Variants in TBC1D31 observed in about 807,000 individuals in gnomAD.
The protein encoded by TBC1D31 is WD repeat domain 67.
In TBC1D31, 99 loss-of-function variants were observed where a neutral mutation model predicts 132.9. The ratio of observed to expected loss-of-function variants is 0.74; its 90% CI spans 0.63 to 0.88. The LOEUF (loss-of-function observed/expected upper bound fraction) is 0.88. Among genes scored for constraint, TBC1D31 ranks in the 40% least tolerant of loss-of-function variants. TBC1D31 has a pLI of 0.00. For synonymous variants in TBC1D31, 385 were observed against 419.4 expected, an observed-to-expected ratio of 0.92 and a Z score of 1.00; for missense variants, 1,134 against 1,256.6, an observed-to-expected ratio of 0.90 and a Z score of 1.48.
rs1563765914 is a variant in TBC1D31, at chr8:123,151,936, A to G, written c.3198A>G (p.Ala1066=). 1 of 1,535,252 alleles carries G rather than the reference A, an allele frequency of 6.5e-7. No individual in the cohort carries two copies. The highest frequency in any genetic ancestry group is 8.7e-7 in the Non-Finnish European group (1 of 1,145,130). The part of the protein sequence containing the change: ...HRCQTPHLLA[A] ...GTCAAACCCCTCATCTTTTGGCTGC[A>G]TAGAATGCATGTCACCTTGAGACGG... Residue 1066 remains alanine, a synonymous_variant, in exon 22 of 22, where the codon GCA becomes GCG. Transcript: ENST00000287380.
rs1822568852 is a variant in TBC1D31, at chr8:123,149,446, A to G, written c.2975-590A>G. ...AGAAAGGAAGGGACCATTATAAGCCATGTCAGGATGCAAATGTTTTTAAAA... is the reference window on the plus strand; with the variant it reads ...AGAAAGGAAGGGACCATTATAAGCCGTGTCAGGATGCAAATGTTTTTAAAA... On this transcript the variant is annotated intron_variant, in intron 20 of 21. Coordinates refer to ENST00000287380, the MANE Select transcript of TBC1D31 (RefSeq NM_145647.4). Among the ~76,000 whole-genome samples the G allele has an allele frequency of 2.0e-5, 3 of 152,354 alleles. No individual in the cohort carries two copies. In the South Asian group the frequency reaches 6.2e-4, roughly 32 times the overall value.
intron 6 of TBC1D31, 72 bp downstream of exon 6, chr8:123,097,513 T>G: frequency 6.9e-7 from 1 of 1,442,850 alleles, no homozygotes; most frequent in Non-Finnish European, 9.4e-7. Flanking sequence ...ATATTAGCTC[T>G]TATTTATTTA....
intron 21 of TBC1D31, among the ~76,000 whole-genome samples, chr8:123,150,711 G>T (rs985715310): frequency 6.6e-6 from 1 of 152,096 alleles, no homozygotes; most frequent in African/African-American, 2.4e-5. Flanking sequence ...GAAGGGACAG[G>T]GTAGAAACAT....
chr8:123,073,478 A>C (rs889099747), intron 1 of TBC1D31: 17 of 448,236 alleles, frequency 3.8e-5, no homozygotes, highest in African/African-American at 6.0e-5. Flanking sequence ...GGGGGCTTCT[A>C]GTACGGCCAG....
chr8:123,076,573 C>G (rs1484451415), intron 1 of TBC1D31, among the ~76,000 whole-genome samples: 1 of 152,038 alleles, frequency 6.6e-6, no homozygotes, highest in African/African-American at 2.4e-5. Flanking sequence ...TGTTGTAGGC[C>G]AGGTGCTGGG....
At position 123,151,912 on chromosome 8, in the gene TBC1D31, T is replaced by G. The variant is rs770748162; in HGVS notation, c.3174T>G (p.Cys1058Trp). The G allele has an allele frequency of 1.3e-6, 2 of 1,564,400 alleles. No individual in the cohort carries two copies. The highest frequency in any genetic ancestry group is 1.4e-5 in the African/African-American group (1 of 72,444). ...TCACTGCCCGGGCTCGTCACAGATG[T>G]CAAACCCCTCATCTTTTGGCTGCAT... is the stretch of plus-strand genomic sequence containing the variant. ...QRLTARARHR[C>W]QTPHLLAA Residue 1058 changes from cysteine (C) to tryptophan (W), a missense_variant, in exon 22 of 22, where the codon TGT (cysteine) becomes TGG (tryptophan). Physicochemically the swap from Cys to Trp is radical, Grantham distance 215. Coordinates refer to ENST00000287380, the MANE Select transcript of TBC1D31 (RefSeq NM_145647.4).
chr8:123,114,535 T>C (rs917248694), intron 10 of TBC1D31, among the ~76,000 whole-genome samples: 2 of 152,222 alleles, frequency 1.3e-5, no homozygotes, highest in African/African-American at 4.8e-5. Flanking sequence ...TTTGCCAGGC[T>C]GGTCTGGAAT....
chr8:123,121,779 C>G (rs1474824963), intron 11 of TBC1D31, among the ~76,000 whole-genome samples: 2 of 152,142 alleles, frequency 1.3e-5, no homozygotes, highest in Non-Finnish European at 2.9e-5. Context: ...GAAAATCAAA[C>G]TAATACAAGT....
the TBC1D31 span, among the ~76,000 whole-genome samples, chr8:123,157,463 C>A: frequency 6.6e-6 from 1 of 152,184 alleles, no homozygotes; most frequent in South Asian, 2.1e-4. Flanking sequence ...TTAACAAACA[C>A]TGTGGCTGGC....
chr8:123,091,914 A>T (rs770802864), intron 4 of TBC1D31, among the ~76,000 whole-genome samples: 2 of 152,250 alleles, frequency 1.3e-5, no homozygotes, highest in South Asian at 4.1e-4. Flanking sequence ...CTGAATCTGT[A>T]ATAAGATAGG....
chr8:123,093,342 G>A (rs1306868203), intron 4 of TBC1D31, among the ~76,000 whole-genome samples: 2 of 151,100 alleles, frequency 1.3e-5, no homozygotes, highest in African/African-American at 2.4e-5. Context: ...TTTTTAAACT[G>A]TCATTTAGAA....
At chr8:123,138,459 A>G (rs1423767309) in intron 17 of TBC1D31, among the ~76,000 whole-genome samples, 12 of 152,214 alleles carry the variant, frequency 7.9e-5, no homozygotes, top group Admixed American at 4.6e-4. Context: ...AACAACTGCT[A>G]ATGTCATTAA....
At chr8:123,095,948 TA>T (rs201745271) in intron 5 of TBC1D31, among the ~76,000 whole-genome samples, 1,934 of 152,300 alleles carry the variant, frequency 0.013, 45 homozygotes, top group African/African-American at 0.044. Flanking sequence ...AAGTCATCAG[TA>T]AATACCATCA....
At chr8:123,118,582 C>T (rs1475723161) in intron 10 of TBC1D31, among the ~76,000 whole-genome samples, 2 of 151,554 alleles carry the variant, frequency 1.3e-5, no homozygotes, top group Admixed American at 6.6e-5. Context: ...ACTGAAAAAA[C>T]ATATGCAAAA....
chr8:123,126,653 C>G lies in TBC1D31; in HGVS notation c.1850C>G (p.Pro617Arg), dbSNP rs1820062385. The change falls in exon 13 of 22, where the codon CCT becomes CGT. Residue 617 changes from proline (P) to arginine (R), a missense_variant. Coordinates refer to ENST00000287380, the MANE Select transcript of TBC1D31 (RefSeq NM_145647.4). The stretch of plus-strand genomic sequence containing the variant: ...GCCTACAACATATGTTCTAGAACGC[C>G]TCTGCTCAGCTGTAATCTTAAAGAT... ...VVAYNICSRT[P>R]LLSCNLKDDF... 6.2e-7 allele frequency: 1 copy of G among 1,613,472 alleles called. No individual in the cohort carries two copies. Among genetic ancestry groups the G allele is most frequent in the Non-Finnish European group, 8.5e-7 (1 of 1,179,746 alleles).
rs759820455 is a variant in TBC1D31, at chr8:123,151,917, C to G, written c.3179C>G (p.Thr1060Ser). The G allele has an allele frequency of 1.3e-6, 2 of 1,555,886 alleles. No individual in the cohort carries two copies. Among genetic ancestry groups the G allele is most frequent in the Admixed American group, 2.1e-5 (1 of 47,348 alleles). ...GCCCGGGCTCGTCACAGATGTCAAA[C>G]CCCTCATCTTTTGGCTGCATAGAAT... ...LTARARHRCQ[T>S]PHLLAA Residue 1060 changes from threonine to serine, a missense_variant, in exon 22 of 22, where the codon ACC becomes AGC. Thr to Ser is a moderately conservative substitution (Grantham distance 58, BLOSUM62 1). Transcript: ENST00000287380.
chr8:123,097,650 A>G, intron 6 of TBC1D31: 2 of 465,558 alleles, frequency 4.3e-6, no homozygotes, highest in Admixed American at 7.8e-5. Context: ...CTTTTTATAA[A>G]ATCAACATAC....
At chr8:123,129,269 A>G (rs780390800) in intron 15 of TBC1D31, 51 bp downstream of exon 15, 3 of 1,256,708 alleles carry the variant, frequency 2.4e-6, no homozygotes, top group Non-Finnish European at 3.2e-6. Flanking sequence ...TTAGTTGAAT[A>G]ATTTTTATGT....
intron 8 of TBC1D31, among the ~76,000 whole-genome samples, chr8:123,108,037 C>G (rs766204059): frequency 6.6e-6 from 1 of 152,206 alleles, no homozygotes; most frequent in African/African-American, 2.4e-5. Flanking sequence ...TAGTTGCCCT[C>G]TATACCTTTA....
Sources: allele counts gnomAD v4.1 joint callset (sites outside exome capture counted in the v4.1 genomes callset), GRCh38; gene constraint gnomAD v4.1.1; transcripts MANE v1.5; gene names NCBI Gene and HGNC (gene_info 2026-07-23, HGNC 2026-07-21).